DPP6: variants seen among roughly 807,000 people sequenced by gnomAD.
DPP6 encodes A-type potassium channel modulatory protein DPP6.
Under a neutral mutation model 122.6 loss-of-function variants are expected in DPP6, and 69 were observed. The observed-to-expected ratio is 0.56, with a 90% CI of 0.46 to 0.69. DPP6 has a LOEUF of 0.69. DPP6 is among the 30% of genes least tolerant of loss of function. DPP6 has a pLI of 0.00. For synonymous variants in DPP6, 418 were observed against 433.1 expected, an observed-to-expected ratio of 0.97 and a Z score of 0.43; for missense variants, 928 against 1,116.9, an observed-to-expected ratio of 0.83 and a Z score of 2.41.
intron 7 of DPP6, among the ~76,000 whole-genome samples, chr7:154,676,601 A>G (rs1838927285): frequency 6.6e-6 from 1 of 152,242 alleles, no homozygotes. Flanking sequence ...CACCTTAGTG[A>G]TTGCTACACC....
At chr7:154,528,046 T>C (rs1230125081) in intron 3 of DPP6, among the ~76,000 whole-genome samples, 1 of 152,174 alleles carries the variant, frequency 6.6e-6, no homozygotes, top group Admixed American at 6.5e-5. Flanking sequence ...ATGCAATTTT[T>C]TTCCATTTCT....
chr7:153,773,741 G>T, the DPP6 span, among the ~76,000 whole-genome samples: 4 of 151,150 alleles, frequency 2.6e-5, no homozygotes, highest in Non-Finnish European at 5.9e-5. Context: ...AAATTCTTAT[G>T]CTGGAAAAGA....
chr7:154,294,725 GAC>G (rs1261458665), intron 1 of DPP6, among the ~76,000 whole-genome samples: 2 of 151,680 alleles, frequency 1.3e-5, no homozygotes, highest in African/African-American at 4.8e-5. Context: ...TGGAGCCCCA[GAC>G]AGGGGACAAC....
intron 1 of DPP6, among the ~76,000 whole-genome samples, chr7:154,213,886 A>C (rs1371506942): frequency 6.6e-6 from 1 of 152,162 alleles, no homozygotes; most frequent in East Asian, 1.9e-4. Context: ...GAAGGAAGAC[A>C]ACTTCCCAGC....
chr7:154,537,265 A>T (rs932717650), intron 3 of DPP6, among the ~76,000 whole-genome samples: 1 of 152,190 alleles, frequency 6.6e-6, no homozygotes, highest in African/African-American at 2.4e-5. Flanking sequence ...AATTTTATAA[A>T]ATAAGACAAG....
At chr7:154,708,278 C>G (rs987012744) in intron 7 of DPP6, among the ~76,000 whole-genome samples, 6 of 152,132 alleles carry the variant, frequency 3.9e-5, no homozygotes, top group Non-Finnish European at 7.4e-5. Context: ...GGCTTGAAGG[C>G]CAATTATACT....
chr7:153,989,328 AGT>A (rs1398740488), intron 1 of DPP6, among the ~76,000 whole-genome samples: 27 of 147,662 alleles, frequency 1.8e-4, no homozygotes, highest in African/African-American at 2.8e-4. Context: ...GATTTGTGTG[AGT>A]GTGAGTGTGC....
At chr7:154,762,999 C>A (rs1172744973) in intron 8 of DPP6, among the ~76,000 whole-genome samples, 2 of 152,222 alleles carry the variant, frequency 1.3e-5, no homozygotes, top group African/African-American at 4.8e-5. Context: ...GTGCTAGTTC[C>A]ACATCGTGGC....
chr7:154,128,208 T>A (rs1808078526), intron 1 of DPP6, among the ~76,000 whole-genome samples: 1 of 151,058 alleles, frequency 6.6e-6, no homozygotes, highest in South Asian at 2.1e-4. Context: ...ATCAGTCACA[T>A]TTGCAGCCCT....
chr7:154,010,982 G>A (rs1333355479), intron 1 of DPP6, among the ~76,000 whole-genome samples: 1 of 152,184 alleles, frequency 6.6e-6, no homozygotes, highest in Non-Finnish European at 1.5e-5. Flanking sequence ...GCAGCAGAGT[G>A]GATTCATCTG....
intron 4 of DPP6, among the ~76,000 whole-genome samples, chr7:154,548,809 G>A (rs1420116901): frequency 6.6e-6 from 1 of 152,174 alleles, no homozygotes; most frequent in Non-Finnish European, 1.5e-5. Context: ...TTTTGCAACG[G>A]AGGTATTAAT....
chr7:154,028,888 C>A (rs1394222203), intron 1 of DPP6, among the ~76,000 whole-genome samples: 2 of 152,012 alleles, frequency 1.3e-5, no homozygotes, highest in Non-Finnish European at 2.9e-5. Flanking sequence ...GTTTGGCAGA[C>A]CTGAAATGCC....
At chr7:154,780,145 T>G (rs575116771) in intron 10 of DPP6, among the ~76,000 whole-genome samples, 2 of 152,182 alleles carry the variant, frequency 1.3e-5, no homozygotes, top group Admixed American at 1.3e-4. Flanking sequence ...AGGGTCTTTG[T>G]TATTCATTAG....
intron 19 of DPP6, among the ~76,000 whole-genome samples, chr7:154,873,328 A>C (rs1036405668): frequency 6.6e-6 from 1 of 152,146 alleles, no homozygotes; most frequent in Admixed American, 6.5e-5. Context: ...ACGCGCTGAC[A>C]CCGCACGGGG....
chr7:154,799,924 T>A (rs1370361627), intron 12 of DPP6, among the ~76,000 whole-genome samples: 1 of 152,228 alleles, frequency 6.6e-6, no homozygotes, highest in African/African-American at 2.4e-5. Context: ...TTCCGAGGAA[T>A]GTTTCCCTGA....
chr7:154,876,152 A>G (rs1478543697), intron 20 of DPP6, 52 bp downstream of exon 20: 13 of 1,502,818 alleles, frequency 8.7e-6, no homozygotes, highest in Non-Finnish European at 1.1e-5. Context: ...GGGGCTCCTC[A>G]TGGGGGCAGC....
Position 154,847,124 on chromosome 7 carries a change from C to T in DPP6, c.1667-6656C>T, listed in dbSNP as rs117160488. Among the ~76,000 whole-genome samples the T allele has an allele frequency of 2.0e-3, 300 of 152,272 alleles. 1 individual carries two copies. Among genetic ancestry groups the T allele is most frequent in the Non-Finnish European group, 3.0e-3 (203 of 68,020 alleles). On this transcript the variant is annotated intron_variant, in intron 16 of 25. Coordinates refer to ENST00000377770, the MANE Select transcript of DPP6 (RefSeq NM_130797.4). ...CCAGGAGTGGAGCCCGCAGGTCATA[C>T]GCATGAGCATCTTCAGATGTCATGG...
chr7:154,633,754 G>C (rs1394652833), intron 5 of DPP6, among the ~76,000 whole-genome samples: 2 of 152,168 alleles, frequency 1.3e-5, no homozygotes, highest in Non-Finnish European at 2.9e-5. Context: ...TGTTGAGGAA[G>C]ATTTTGTGGA....
At chr7:154,008,752 C>T (rs1173684619) in intron 1 of DPP6, among the ~76,000 whole-genome samples, 2 of 150,278 alleles carry the variant, frequency 1.3e-5, no homozygotes, top group Admixed American at 6.6e-5. Context: ...AGCTCCGCCT[C>T]CCAGGTTCAC....
Sources: allele counts gnomAD v4.1 joint callset (sites outside exome capture counted in the v4.1 genomes callset), GRCh38; gene constraint gnomAD v4.1.1; transcripts MANE v1.5; gene names NCBI Gene and HGNC (gene_info 2026-07-23, HGNC 2026-07-21).